The following STAT4 variants were observed in gnomAD, a reference collection of about 807,000 sequenced individuals.
STAT4 encodes signal transducer and activator of transcription 4.
STAT4 carries 42 observed loss-of-function variants against 110.5 expected under a neutral mutation model. That is an observed-to-expected ratio of 0.38 (90% confidence interval 0.30 to 0.49). STAT4 has a LOEUF of 0.49. STAT4 is among the 20% of genes least tolerant of loss of function. The pLI, the probability that STAT4 is intolerant of heterozygous loss-of-function variation, is 0.95. For missense variants in STAT4, 632 were observed against 887.9 expected, an observed-to-expected ratio of 0.71 and a Z score of 3.66; for synonymous variants, 284 against 302.2, an observed-to-expected ratio of 0.94 and a Z score of 0.63.
intron 15 of STAT4, among the ~76,000 whole-genome samples, chr2:191,040,049 A>T (rs1696146221): frequency 6.6e-6 from 1 of 152,212 alleles, no homozygotes; most frequent in African/African-American, 2.4e-5. Flanking sequence ...CAAACATATT[A>T]CCATCATTAA....
At chr2:191,121,780 G>A (rs1398799990) in intron 3 of STAT4, among the ~76,000 whole-genome samples, 5 of 140,016 alleles carry the variant, frequency 3.6e-5, no homozygotes, top group Admixed American at 2.2e-4. Context: ...GTGGGGTGGG[G>A]GGAAGGGGGA....
rs1048997937 is a variant in STAT4 at position 191,091,270 on chromosome 2, A to T, written c.274-14945T>A. Among the ~76,000 whole-genome samples the T allele has an allele frequency of 2.6e-5, 4 of 152,204 alleles. No homozygotes were observed. Among genetic ancestry groups the T allele is most frequent in the African/African-American group, 9.6e-5 (4 of 41,452 alleles). ...CACAAGATGACATGATTTTCTCTAC[A>T]TTGGCAATAACCATCTAGAGCTAGA... On this transcript the variant is annotated intron_variant, in intron 3 of 23. Coordinates refer to ENST00000392320, the MANE Select transcript of STAT4 (RefSeq NM_003151.4). The surrounding 1 kb of genome is among the most constrained non-coding windows in gnomAD (Gnocchi z 5.4).
chr2:191,054,252 T>C (rs996157881), intron 14 of STAT4, among the ~76,000 whole-genome samples: 7 of 152,088 alleles, frequency 4.6e-5, no homozygotes, highest in African/African-American at 1.7e-4. Context: ...GAATGATGTA[T>C]ACCAAGATGT....
chr2:191,039,185 G>A lies in STAT4; in HGVS notation c.1434+14C>T, dbSNP rs770927651. On this transcript the variant is annotated intron_variant, in intron 16 of 23. Transcript: ENST00000392320. The surrounding 1 kb of genome is among the most constrained non-coding windows in gnomAD (Gnocchi z 4.7). ...GAATAGCATTAAAGAAGTTGAGGTAGAAATAGAGTCTACCTGGGAATCGTT... is the reference window on the plus strand; with the variant it reads ...GAATAGCATTAAAGAAGTTGAGGTAAAAATAGAGTCTACCTGGGAATCGTT... The A allele has an allele frequency of 3.1e-6, 5 of 1,611,564 alleles. No homozygotes were observed. The highest frequency in any genetic ancestry group is 2.5e-6 in the Non-Finnish European group (3 of 1,177,626).
Position 191,061,556 on chromosome 2 carries a change from G to A in STAT4, c.1034+173C>T, listed in dbSNP as rs1355838842. Among the ~76,000 whole-genome samples, 3 of 152,110 alleles carry A rather than the reference G, an allele frequency of 2.0e-5. No homozygotes were observed. Among genetic ancestry groups the A allele is most frequent in the Non-Finnish European group, 4.4e-5 (3 of 68,022 alleles). On this transcript the variant is annotated intron_variant, in intron 10 of 23. Transcript: ENST00000392320. The surrounding 1 kb of genome is among the most constrained non-coding windows in gnomAD (Gnocchi z 6.2). ...GCACTGTCATGCTCTTGACAAGCAG[G>A]GCTCTCATCTTCACATTTCTGTGGG...
At chr2:191,111,047 A>G (rs553233330) in intron 3 of STAT4, among the ~76,000 whole-genome samples, 162 of 152,304 alleles carry the variant, frequency 1.1e-3, no homozygotes, top group African/African-American at 3.5e-3. Context: ...CGGCCTCCCA[A>G]AGTGCTAGGA....
chr2:191,070,994 C>T (rs906071259), intron 5 of STAT4, among the ~76,000 whole-genome samples: 1 of 152,160 alleles, frequency 6.6e-6, no homozygotes, highest in Non-Finnish European at 1.5e-5. Context: ...CTTCTAATCC[C>T]TGTTATCTCA....
In STAT4 at chr2:191,148,096, T is replaced by C. The variant is rs750034868; in HGVS notation, c.108A>G (p.Gln36=). The change falls in exon 2 of 24, where the codon CAA becomes CAG. Residue 36 remains glutamine (Q), a synonymous_variant. Transcript: ENST00000392320. Reference sequence around the variant, plus strand: ...CCTACCAGTCTTGATTTTCAATCCATTGGGCCAACAGATGCCGAATTTCCA... The same window carrying C: ...CCTACCAGTCTTGATTTTCAATCCACTGGGCCAACAGATGCCGAATTTCCA... ...FPMEIRHLLA[Q]WIENQDWEAA... 20 of 1,613,850 alleles carry C rather than the reference T, an allele frequency of 1.2e-5. No homozygotes were observed. Among genetic ancestry groups the C allele is most frequent in the Non-Finnish European group, 1.4e-5 (17 of 1,179,816 alleles).
intron 3 of STAT4, among the ~76,000 whole-genome samples, chr2:191,130,279 G>A (rs894832730): frequency 6.8e-6 from 1 of 147,906 alleles, no homozygotes; most frequent in African/African-American, 2.5e-5. Flanking sequence ...CTGGAGTGCA[G>A]TGGCACAATC....
At chr2:191,131,902 T>C in intron 3 of STAT4, 1 of 1,412,732 alleles carries the variant, frequency 7.1e-7, no homozygotes, top group Non-Finnish European at 9.2e-7. Flanking sequence ...CCCTGGGGAC[T>C]AAAGCAAATT....
chr2:191,137,136 AG>A (rs2125435049), intron 3 of STAT4, among the ~76,000 whole-genome samples: 1 of 152,298 alleles, frequency 6.6e-6, no homozygotes, highest in South Asian at 2.1e-4. Flanking sequence ...TGAGGTCAGG[AG>A]TCTGAGACCA....
chr2:191,069,831 A>G, intron 5 of STAT4, 60 bp from the exon 6 acceptor site: 2 of 1,363,628 alleles, frequency 1.5e-6, no homozygotes, highest in Non-Finnish European at 2.0e-6. Flanking sequence ...CAATCAAACA[A>G]CATCATAAGT....
chr2:191,110,211 A>G lies in STAT4; in HGVS notation c.274-33886T>C, dbSNP rs1428950243. Among the ~76,000 whole-genome samples, 2 of 152,130 alleles carry G rather than the reference A, an allele frequency of 1.3e-5. No individual in the cohort carries two copies. The highest frequency in any genetic ancestry group is 2.9e-5 in the Non-Finnish European group (2 of 68,022). ...ACAAACATAGATTTGTGTTGATGTC[A>G]GTGCTAAGAAGAAAAGGTCTTCTTC... On this transcript the variant is annotated intron_variant, in intron 3 of 23. Transcript: ENST00000392320. This position sits in a 1 kb window ranked among gnomAD's most constrained non-coding sequence, Gnocchi z 4.5.
At chr2:191,132,975 C>G (rs1293417280) in intron 3 of STAT4, among the ~76,000 whole-genome samples, 1 of 151,202 alleles carries the variant, frequency 6.6e-6, no homozygotes, top group African/African-American at 2.4e-5. Flanking sequence ...AGGATGGTCT[C>G]GATATCCTGA....
intron 3 of STAT4, among the ~76,000 whole-genome samples, chr2:191,145,392 G>C (rs1009858559): frequency 1.3e-5 from 2 of 152,084 alleles, no homozygotes; most frequent in Non-Finnish European, 2.9e-5. Context: ...TGGGCCATAT[G>C]AAAATGGGCA....
intron 15 of STAT4, among the ~76,000 whole-genome samples, chr2:191,040,370 A>G (rs1696156150): frequency 6.6e-6 from 1 of 151,926 alleles, no homozygotes; most frequent in African/African-American, 2.4e-5. Context: ...TTGAAAATAT[A>G]TTACTACAAA....
chr2:191,094,706 C>T (rs1182262940), intron 3 of STAT4, among the ~76,000 whole-genome samples: 2 of 152,040 alleles, frequency 1.3e-5, no homozygotes, highest in African/African-American at 4.8e-5. Context: ...AACAAGCCAG[C>T]ATCATAATGA....
rs539290936 is a variant in STAT4 at position 191,112,447 on chromosome 2, T to C, written c.273+34166A>G. 2.4e-4 allele frequency among the ~76,000 whole-genome samples: 37 copies of C among 152,308 alleles called. No homozygotes were observed. The highest frequency in any genetic ancestry group is 8.9e-4 in the African/African-American group (37 of 41,554). On this transcript the variant is annotated intron_variant, in intron 3 of 23. Coordinates refer to ENST00000392320, the MANE Select transcript of STAT4 (RefSeq NM_003151.4). The surrounding 1 kb of genome is among the most constrained non-coding windows in gnomAD (Gnocchi z 4.3). ...TAGCACTGTGTACCAGTGTATCTAG[T>C]AGTAAATGGTCATCATTGTTCTAAG...
chr2:191,151,187 C>G, upstream of STAT4: 1 of 985,646 alleles, frequency 1.0e-6, no homozygotes, highest in Non-Finnish European at 1.2e-6. This position sits in a 1 kb window ranked among gnomAD's most constrained non-coding sequence, Gnocchi z 4.7. Context: ...AGCCCCTTCA[C>G]CGGGCGTCCT....
Sources: gnomAD v4.1 joint callset for allele counts (sites outside exome capture counted in the v4.1 genomes callset) on GRCh38, gnomAD v4.1.1 for gene constraint, Gnocchi (gnomAD v3.1) non-coding constraint, MANE v1.5 for transcripts, NCBI Gene and HGNC (gene_info 2026-07-23, HGNC 2026-07-21) for gene names.